The following PITPNC1 variants were observed in gnomAD, a reference collection of about 807,000 sequenced individuals.
PITPNC1 encodes cytoplasmic phosphatidylinositol transfer protein 1.
Under a neutral mutation model 44.7 loss-of-function variants are expected in PITPNC1, and 18 were observed. The observed-to-expected ratio is 0.40, with a 90% CI of 0.28 to 0.60. PITPNC1 has a LOEUF of 0.60. Among genes scored for constraint, PITPNC1 ranks in the 20% least tolerant of loss-of-function variants. The probability of loss-of-function intolerance (pLI) is 0.39; values close to 1 mark genes in which losing one functional copy is unlikely to be tolerated. For missense variants in PITPNC1, 290 were observed against 418.4 expected, an observed-to-expected ratio of 0.69 and a Z score of 2.68; for synonymous variants, 141 against 149.6, an observed-to-expected ratio of 0.94 and a Z score of 0.42.
At chr17:67,404,416 A>G (rs1262711021) in intron 1 of PITPNC1, among the ~76,000 whole-genome samples, 1 of 152,244 alleles carries the variant, frequency 6.6e-6, no homozygotes, top group Non-Finnish European at 1.5e-5. Flanking sequence ...GTGTCTTGCA[A>G]ACAGGCACTT....
Position 67,459,107 on chromosome 17 carries a change from CT to C in PITPNC1, c.49-73690del, listed in dbSNP as rs2039298403. ...AACTCTCTTTGGGGCTTTTTTTTTT[CT>C]TTTTCTTTTTTTTTTTTTTTTTTTT... On this transcript the variant is annotated intron_variant, in intron 1 of 8. Coordinates refer to ENST00000581322, the MANE Select transcript of PITPNC1 (RefSeq NM_012417.4). Among the ~76,000 whole-genome samples the C allele has an allele frequency of 8.7e-5, 11 of 126,842 alleles. No homozygotes were observed. The South Asian group carries it at 2.5e-3, about 29-fold the overall frequency. The allele number at this position is 126,842 out of a possible 152,430, so 83.2% of individuals were successfully genotyped here. A position where few individuals can be genotyped will look rare whatever the true frequency, so the allele number is the denominator to read the frequency against.
intron 1 of PITPNC1, among the ~76,000 whole-genome samples, chr17:67,438,791 A>C (rs776365012): frequency 6.6e-6 from 1 of 152,238 alleles, no homozygotes; most frequent in Non-Finnish European, 1.5e-5. Flanking sequence ...AGCAACAAAA[A>C]GCAGTACTGC....
chr17:67,669,713 T>C (rs2042480489), intron 7 of PITPNC1, 50 bp downstream of exon 7: 2 of 1,342,226 alleles, frequency 1.5e-6, no homozygotes, highest in Non-Finnish European at 1.0e-6. Context: ...TAACTGTCTA[T>C]ATTGCCAAAT....
chr17:67,686,773 G>T (rs1343753167), intron 8 of PITPNC1, among the ~76,000 whole-genome samples: 1 of 152,112 alleles, frequency 6.6e-6, no homozygotes. Flanking sequence ...CTCAGGCTAT[G>T]GTACTGCCCA....
chr17:67,593,937 A>C (rs1354853864), intron 5 of PITPNC1, among the ~76,000 whole-genome samples: 1 of 152,182 alleles, frequency 6.6e-6, no homozygotes, highest in Non-Finnish European at 1.5e-5. Context: ...TTATTTACCT[A>C]GAGCTTTGTG....
chr17:67,686,979 C>CT, intron 8 of PITPNC1: 1 of 764,980 alleles, frequency 1.3e-6, no homozygotes, highest in Admixed American at 2.0e-5. Context: ...TCCTTGGCTA[C>CT]TGCTCAGCTA....
At chr17:67,454,662 G>C (rs972845864) in intron 1 of PITPNC1, among the ~76,000 whole-genome samples, 3 of 151,888 alleles carry the variant, frequency 2.0e-5, no homozygotes, top group Non-Finnish European at 4.4e-5. Flanking sequence ...AGCACCATAT[G>C]TTCACTGCAG....
chr17:67,473,746 T>C (rs576078979), intron 1 of PITPNC1, among the ~76,000 whole-genome samples: 1 of 152,324 alleles, frequency 6.6e-6, no homozygotes, highest in South Asian at 2.1e-4. Context: ...ACCTGGCTAA[T>C]AAATGTTTTT....
intron 1 of PITPNC1, among the ~76,000 whole-genome samples, chr17:67,502,953 C>T (rs888346214): frequency 9.9e-5 from 15 of 152,154 alleles, no homozygotes; most frequent in African/African-American, 2.2e-4. Flanking sequence ...GCCACCACTA[C>T]GCCCAGCTAA....
At chr17:67,415,683 G>T (rs2038576754) in intron 1 of PITPNC1, among the ~76,000 whole-genome samples, 1 of 152,116 alleles carries the variant, frequency 6.6e-6, no homozygotes, top group Non-Finnish European at 1.5e-5. Context: ...CCTTGGCGAT[G>T]CCCTTAATAA....
chr17:67,627,041 T>TGAGGTCAA (rs201120667), intron 5 of PITPNC1, among the ~76,000 whole-genome samples: 15,226 of 152,060 alleles, frequency 0.1, 776 homozygotes, highest in Admixed American at 0.14. Context: ...GTGGACCATC[T>TGAGGTCAA]GAGTTCTAGA....
At chr17:67,486,269 T>TAA (rs1199506395) in intron 1 of PITPNC1, among the ~76,000 whole-genome samples, 1 of 152,192 alleles carries the variant, frequency 6.6e-6, no homozygotes, top group African/African-American at 2.4e-5. Flanking sequence ...TATATATATA[T>TAA]AATGAACACT....
rs1227721670 is a variant in PITPNC1 at position 67,676,298 on chromosome 17, C to T, written c.682+756C>T. ...TAAGGGCAGACAGAGGCATAGGTGC[C>T]CCGTTCATCCTAATTGAAACTATTG... is the stretch of plus-strand genomic sequence containing the variant. On this transcript the variant is annotated intron_variant, in intron 8 of 8. Transcript: ENST00000581322. The surrounding 1 kb of genome is among the most constrained non-coding windows in gnomAD (Gnocchi z 4.0). Among the ~76,000 whole-genome samples the T allele has an allele frequency of 6.6e-6, 1 of 152,060 alleles. No homozygotes were observed. Among genetic ancestry groups the T allele is most frequent in the Non-Finnish European group, 1.5e-5 (1 of 68,014 alleles).
intron 5 of PITPNC1, among the ~76,000 whole-genome samples, chr17:67,580,326 A>G (rs932581894): frequency 6.6e-6 from 1 of 152,170 alleles, no homozygotes; most frequent in Non-Finnish European, 1.5e-5. Flanking sequence ...TTTTCCTGGC[A>G]TAATATGAAA....
chr17:67,383,737 C>G (rs2037999063), intron 1 of PITPNC1, among the ~76,000 whole-genome samples: 1 of 152,176 alleles, frequency 6.6e-6, no homozygotes, highest in Non-Finnish European at 1.5e-5. Context: ...TCATTGCTTT[C>G]TTTACTGTTT....
Position 67,692,653 on chromosome 17 carries a change from C to G in PITPNC1, c.764C>G (p.Ala255Gly), listed in dbSNP as rs2042951206. Residue 255 changes from alanine to glycine, a missense_variant, in exon 9 of 9, where the codon GCA (alanine) becomes GGA (glycine). Transcript: ENST00000581322. ...AAGAAAATCGGCATTTTCCCACCTGCAATTTCTATCTCCAGCATCCCCCTG... is the reference window on the plus strand; with the variant it reads ...AAGAAAATCGGCATTTTCCCACCTGGAATTTCTATCTCCAGCATCCCCCTG... ...TNKKIGIFPP[A>G]ISISSIPLLP... 3 of 1,613,712 alleles carry G rather than the reference C, an allele frequency of 1.9e-6. No homozygotes were observed.
chr17:67,682,743 C>T (rs1232862066), intron 8 of PITPNC1, among the ~76,000 whole-genome samples: 2 of 152,168 alleles, frequency 1.3e-5, no homozygotes, highest in Admixed American at 1.3e-4. Context: ...GTATTGCTGG[C>T]TTAAGGAGTC....
At chr17:67,479,659 A>AT (rs999587730) in intron 1 of PITPNC1, among the ~76,000 whole-genome samples, 120 of 151,644 alleles carry the variant, frequency 7.9e-4, no homozygotes, top group African/African-American at 2.4e-3. Flanking sequence ...AAAGATTATG[A>AT]TTTTTTTTTC....
intron 1 of PITPNC1, among the ~76,000 whole-genome samples, chr17:67,405,903 G>A (rs993498094): frequency 6.6e-6 from 1 of 152,060 alleles, no homozygotes; most frequent in African/African-American, 2.4e-5. Context: ...CACCATGCCT[G>A]GCCCCTGTTC....
Sources: gnomAD v4.1 joint callset for allele counts (sites outside exome capture counted in the v4.1 genomes callset) on GRCh38, gnomAD v4.1.1 for gene constraint, Gnocchi (gnomAD v3.1) non-coding constraint, MANE v1.5 for transcripts, NCBI Gene and HGNC (gene_info 2026-07-23, HGNC 2026-07-21) for gene names.